Variants in CHN1 observed in about 807,000 individuals in gnomAD.
CHN1 encodes N-chimaerin.
Under a neutral mutation model 59.5 loss-of-function variants are expected in CHN1, and 37 were observed. The ratio of observed to expected loss-of-function variants is 0.62; its 90% confidence interval spans 0.48 to 0.82. CHN1 has a LOEUF of 0.82. Ranked by LOEUF, CHN1 falls within the 40% of genes least tolerant of loss-of-function variation. CHN1 has a pLI of 0.00. For missense variants in CHN1, 469 were observed against 571.0 expected (o/e 0.82, Z 1.82); for synonymous variants, 206 against 200.4 (o/e 1.03, Z -0.24).
chr2:174,930,092 C>T (rs1051228024), intron 3 of CHN1, among the ~76,000 whole-genome samples: 4 of 152,138 alleles, frequency 2.6e-5, no homozygotes, highest in Non-Finnish European at 5.9e-5. Flanking sequence ...AGTGTCTGAC[C>T]CATGACGAGG....
chr2:174,808,162 T>G lies in CHN1; in HGVS notation c.1102+743A>C, dbSNP rs145568698. On this transcript the variant is annotated intron_variant, in intron 11 of 12. Transcript: ENST00000409900. ...GTGTGGGCCAGTGCCAGTTTGCTGT[T>G]AATAGTCTGAGTGAACTTATACAAG... is the stretch of plus-strand genomic sequence containing the variant. Among the ~76,000 whole-genome samples the G allele has an allele frequency of 4.5e-3, 679 of 152,380 alleles. 6 individuals carry two copies. The highest frequency in any genetic ancestry group is 0.015 in the African/African-American group (640 of 41,596).
At chr2:174,803,796 C>G (rs1684803758) in intron 11 of CHN1, among the ~76,000 whole-genome samples, 1 of 152,172 alleles carries the variant, frequency 6.6e-6, no homozygotes, top group African/African-American at 2.4e-5. Context: ...TCAAGCGATC[C>G]TCCTGCCTCA....
rs145437846 is a variant in CHN1 at position 174,883,331 on chromosome 2, T to A, written c.261-5203A>T. On this transcript the variant is annotated intron_variant, in intron 5 of 12. Transcript: ENST00000409900. ...AACTGAGGGAATACAAGCAGAGGTA[T>A]CATCTTGAAAACTAAGTGAAAGTTT... is the stretch of plus-strand genomic sequence containing the variant. Among the ~76,000 whole-genome samples the A allele has an allele frequency of 4.5e-3, 678 of 152,244 alleles. 6 individuals are homozygous for A. Among genetic ancestry groups the A allele is most frequent in the African/African-American group, 0.015 (638 of 41,540 alleles).
chr2:174,838,835 C>T (rs568407044), intron 7 of CHN1, among the ~76,000 whole-genome samples: 4 of 151,912 alleles, frequency 2.6e-5, no homozygotes, highest in East Asian at 3.9e-4. Context: ...ACCAACATGG[C>T]GAAACCCCAT....
chr2:174,803,429 T>C (rs993098372), intron 11 of CHN1, among the ~76,000 whole-genome samples: 1 of 152,226 alleles, frequency 6.6e-6, no homozygotes. Context: ...TGATAAAAAA[T>C]GTATGGTCTC....
intron 1 of CHN1, among the ~76,000 whole-genome samples, chr2:174,960,478 C>CT (rs1341411830): frequency 6.6e-6 from 1 of 152,182 alleles, no homozygotes; most frequent in Admixed American, 6.5e-5. Context: ...GGCTGTCAAT[C>CT]TTTTGGGTCT....
chr2:174,886,857 A>G (rs1026163964), intron 5 of CHN1, among the ~76,000 whole-genome samples: 5 of 152,208 alleles, frequency 3.3e-5, no homozygotes, highest in East Asian at 1.9e-4. Flanking sequence ...TTATTAATGT[A>G]TAATTTACAT....
intron 11 of CHN1, among the ~76,000 whole-genome samples, chr2:174,807,204 G>A (rs890792491): frequency 2.6e-5 from 4 of 152,166 alleles, no homozygotes; most frequent in South Asian, 2.1e-4. Flanking sequence ...GAATTGTGGG[G>A]ACAAAGGCCT....
intron 1 of CHN1, among the ~76,000 whole-genome samples, chr2:174,983,107 G>C (rs1178488115): frequency 6.6e-6 from 1 of 152,128 alleles, no homozygotes; most frequent in Non-Finnish European, 1.5e-5. Context: ...GAGGTTTTGA[G>C]GGGGACTATG....
chr2:174,812,881 G>A (rs771935184), intron 8 of CHN1, among the ~76,000 whole-genome samples: 34 of 152,024 alleles, frequency 2.2e-4, no homozygotes, highest in Non-Finnish European at 4.4e-4. Context: ...GATATAAAGC[G>A]GAATTGGACC....
chr2:174,986,048 A>T (rs1691328840), intron 1 of CHN1, among the ~76,000 whole-genome samples: 1 of 152,216 alleles, frequency 6.6e-6, no homozygotes, highest in Non-Finnish European at 1.5e-5. Flanking sequence ...TAACTATAAT[A>T]AACTGCAATT....
intron 1 of CHN1, among the ~76,000 whole-genome samples, chr2:174,961,347 GAGGCCGATCACCTGA>G (rs1342161066): frequency 6.6e-6 from 1 of 152,086 alleles, no homozygotes; most frequent in Non-Finnish European, 1.5e-5. Flanking sequence ...AGCACTTTGG[GAGGCCGATCACCTGA>G]GGGTGGATCA....
intron 6 of CHN1, among the ~76,000 whole-genome samples, chr2:174,857,436 T>C (rs1686940224): frequency 6.6e-6 from 1 of 152,148 alleles, no homozygotes; most frequent in South Asian, 2.1e-4. Flanking sequence ...TTATAAATTC[T>C]TGGAGGGTGG....
intron 1 of CHN1, among the ~76,000 whole-genome samples, chr2:174,955,612 C>A (rs1201807318): frequency 6.6e-6 from 1 of 151,218 alleles, no homozygotes; most frequent in Non-Finnish European, 1.5e-5. Context: ...CAAACACCAC[C>A]TAAAAATCTA....
intron 7 of CHN1, among the ~76,000 whole-genome samples, chr2:174,827,434 G>C (rs1056149788): frequency 6.6e-6 from 1 of 152,154 alleles, no homozygotes; most frequent in South Asian, 2.1e-4. Flanking sequence ...TCAAAGACAC[G>C]AGGCATGAGA....
At chr2:174,824,387 A>G (rs757498391) in intron 8 of CHN1, 47 bp downstream of exon 8, 2 of 1,443,312 alleles carry the variant, frequency 1.4e-6, no homozygotes, top group East Asian at 2.4e-5. Context: ...CTCACCTCTT[A>G]TAACTTCACA....
chr2:174,865,658 C>T (rs146792928), intron 6 of CHN1, among the ~76,000 whole-genome samples: 17 of 152,232 alleles, frequency 1.1e-4, no homozygotes, highest in African/African-American at 3.9e-4. Context: ...TAGTAGGGAG[C>T]TAGAACAGAC....
At chr2:174,812,793 CAAAA>C (rs971048278) in intron 8 of CHN1, among the ~76,000 whole-genome samples, 1 of 151,808 alleles carries the variant, frequency 6.6e-6, no homozygotes, top group Non-Finnish European at 1.5e-5. Context: ...GTCAAATAGC[CAAAA>C]AAAAAACCCA....
chr2:174,855,351 G>A (rs1686869384), intron 6 of CHN1, among the ~76,000 whole-genome samples: 1 of 152,188 alleles, frequency 6.6e-6, no homozygotes, highest in Admixed American at 6.5e-5. Context: ...AAGGTGCTGA[G>A]TAACTGGATT....
Sources: allele counts gnomAD v4.1 joint callset (sites outside exome capture counted in the v4.1 genomes callset), GRCh38; gene constraint gnomAD v4.1.1; transcripts MANE v1.5; gene names NCBI Gene and HGNC (gene_info 2026-07-23, HGNC 2026-07-21).